Variants in TRIM23 observed in about 807,000 individuals in gnomAD.
TRIM23 encodes the protein tripartite motif containing 23, also known as E3 ubiquitin-protein ligase TRIM23.
TRIM23 carries 27 observed loss-of-function variants against 71.0 expected under a neutral mutation model. That is an observed-to-expected ratio of 0.38 (90% confidence interval 0.28 to 0.52). The LOEUF is 0.52. TRIM23 is among the 20% of genes least tolerant of loss of function. TRIM23 has a pLI of 0.84. For missense variants in TRIM23, 482 were observed against 692.3 expected (o/e 0.70, Z 3.41); for synonymous variants, 234 against 238.0 (o/e 0.98, Z 0.16).
At chr5:65,604,236 A>T (rs1754436673) in intron 7 of TRIM23, among the ~76,000 whole-genome samples, 2 of 152,150 alleles carry the variant, frequency 1.3e-5, no homozygotes. Flanking sequence ...AGCTGGGATT[A>T]TAGGCATGCA....
intron 7 of TRIM23, among the ~76,000 whole-genome samples, chr5:65,598,957 A>AG (rs1754285373): frequency 1.3e-5 from 2 of 152,222 alleles, no homozygotes; most frequent in African/African-American, 4.8e-5. Context: ...TAGGAGTAGC[A>AG]GGAAACTGCC....
chr5:65,607,035 G>C (rs1754527313), intron 6 of TRIM23: 1 of 152,160 alleles, frequency 6.6e-6, no homozygotes, highest in African/African-American at 2.4e-5. Flanking sequence ...TCAGCATCCA[G>C]TATCATGCCA....
intron 7 of TRIM23, among the ~76,000 whole-genome samples, chr5:65,603,767 T>A (rs192004179): frequency 3.7e-4 from 57 of 152,290 alleles, no homozygotes; most frequent in Non-Finnish European, 5.1e-4. Flanking sequence ...GAGAACCCAC[T>A]TTAAAAGAGG....
At chr5:65,592,838 T>C (rs1754083059) in intron 10 of TRIM23, among the ~76,000 whole-genome samples, 2 of 152,222 alleles carry the variant, frequency 1.3e-5, no homozygotes, top group Admixed American at 1.3e-4. Flanking sequence ...ATGGTCTGCA[T>C]TATTTTTAAT....
intron 3 of TRIM23, chr5:65,613,654 A>C (rs181085443): frequency 4.5e-6 from 5 of 1,114,004 alleles, no homozygotes; most frequent in Admixed American, 4.3e-5. Context: ...TTGAAGCTAT[A>C]ACAGTAACAA....
chr5:65,604,174 G>A (rs1429387217), intron 7 of TRIM23, among the ~76,000 whole-genome samples: 1 of 152,122 alleles, frequency 6.6e-6, no homozygotes, highest in Non-Finnish European at 1.5e-5. Flanking sequence ...TCAGCTCACT[G>A]TAACCTCTGC....
chr5:65,622,060 G>A (rs1024339636), intron 1 of TRIM23, among the ~76,000 whole-genome samples: 4 of 151,706 alleles, frequency 2.6e-5, no homozygotes, highest in African/African-American at 9.7e-5. Flanking sequence ...CTCAAACTCT[G>A]GGGCTCAAGC....
At chr5:65,593,214 C>G (rs34692563) in intron 10 of TRIM23, among the ~76,000 whole-genome samples, 7,469 of 152,200 alleles carry the variant, frequency 0.049, 332 homozygotes, top group African/African-American at 0.1. Flanking sequence ...GCGGGCAGAT[C>G]ACTTGAGGTC....
Position 65,611,792 on chromosome 5 carries a change from T to C in TRIM23, c.456A>G (p.Gln152=), listed in dbSNP as rs764696115. The change falls in exon 4 of 11, where the codon CAA becomes CAG. Residue 152 remains glutamine (Q), a synonymous_variant. Transcript: ENST00000231524. ...CTAATGTCTTTGTAGAATGAGTAAC[T>C]TGAGAACACTCAGAGCACAAATGAG... ...CATHLCSECS[Q]VTHSTKTLAK... is the part of the protein sequence containing the mutation. 1.2e-6 allele frequency: 2 copies of C among 1,614,174 alleles called. No homozygotes were observed. Among genetic ancestry groups the C allele is most frequent in the Admixed American group, 1.7e-5 (1 of 60,020 alleles).
intron 7 of TRIM23, among the ~76,000 whole-genome samples, chr5:65,600,049 G>A (rs1322936176): frequency 2.0e-5 from 3 of 152,102 alleles, no homozygotes; most frequent in South Asian, 2.1e-4. Flanking sequence ...CACATGGCAG[G>A]AGCAGGAGCA....
rs776281834 is a variant in TRIM23, at chr5:65,591,487, CAT to C, written c.*280_*281del. 11 of 1,583,868 alleles carry C rather than the reference CAT, an allele frequency of 6.9e-6. No homozygotes were observed. Among genetic ancestry groups the C allele is most frequent in the Non-Finnish European group, 9.4e-6 (11 of 1,166,938 alleles). ...TACCTCTTTCCCAGTATATTGGTCACATATTATCTGAAAAACTTAAATAACAA... is the reference window on the plus strand; with the variant it reads ...TACCTCTTTCCCAGTATATTGGTCACATTATCTGAAAAACTTAAATAACAA... On this transcript the variant is annotated 3_prime_UTR_variant, in exon 11 of 11. Coordinates refer to ENST00000231524, the MANE Select transcript of TRIM23 (RefSeq NM_001656.4).
At chr5:65,612,873 T>C (rs536696070) in intron 3 of TRIM23, among the ~76,000 whole-genome samples, 1 of 152,290 alleles carries the variant, frequency 6.6e-6, no homozygotes, top group African/African-American at 2.4e-5. Context: ...GTAAATATTA[T>C]TTCTAGTTTT....
At chr5:65,601,170 C>T (rs1754354921) in intron 7 of TRIM23, among the ~76,000 whole-genome samples, 1 of 152,186 alleles carries the variant, frequency 6.6e-6, no homozygotes, top group Non-Finnish European at 1.5e-5. Flanking sequence ...AAAGCAGGGT[C>T]TTGAAGAGAT....
intron 10 of TRIM23, among the ~76,000 whole-genome samples, chr5:65,594,240 G>GT (rs1754129921): frequency 6.6e-6 from 1 of 152,038 alleles, no homozygotes; most frequent in Admixed American, 6.6e-5. Flanking sequence ...CCTAATTCCC[G>GT]TAACACTGTG....
rs1561741377 is a variant in TRIM23 at position 65,596,538 on chromosome 5, T to A, written c.1310-7A>T. 2.0e-6 allele frequency: 3 copies of A among 1,536,554 alleles called. No homozygotes were observed. The highest frequency in any genetic ancestry group is 3.7e-5 in the Admixed American group (2 of 54,242). ...ACAGTTTCCACGTTAAAACCTGTTT[T>A]AAAAAAAAAGTTACTTTTATACTAT... On this transcript the variant is annotated splice_region_variant and splice_polypyrimidine_tract_variant and intron_variant, in intron 8 of 10. Coordinates refer to ENST00000231524, the MANE Select transcript of TRIM23 (RefSeq NM_001656.4).
chr5:65,618,306 C>T (rs1324481783), intron 1 of TRIM23, 51 bp from the exon 2 acceptor site: 8 of 1,522,506 alleles, frequency 5.3e-6, no homozygotes, highest in Admixed American at 2.1e-5. Context: ...TAAAAGCATA[C>T]ATATTTTAGG....
intron 6 of TRIM23, among the ~76,000 whole-genome samples, chr5:65,606,475 A>T (rs1037369447): frequency 7.1e-6 from 1 of 141,134 alleles, no homozygotes; most frequent in Non-Finnish European, 1.5e-5. Flanking sequence ...GGCCAAAAAA[A>T]AAAAAAAAAC....
intron 3 of TRIM23, 200 bp downstream of exon 3, chr5:65,613,898 G>A (rs749345106): frequency 5.9e-5 from 88 of 1,485,372 alleles, no homozygotes; most frequent in South Asian, 4.7e-4. Context: ...ATAAAGCATA[G>A]TTTAGGCATA....
intron 7 of TRIM23, among the ~76,000 whole-genome samples, chr5:65,602,783 C>A (rs1754396108): frequency 1.3e-5 from 2 of 152,072 alleles, no homozygotes; most frequent in Admixed American, 1.3e-4. Context: ...AGCAGAAACC[C>A]CTAATAAGCC....
Sources: gnomAD v4.1 joint callset for allele counts (sites outside exome capture counted in the v4.1 genomes callset) on GRCh38, gnomAD v4.1.1 for gene constraint, MANE v1.5 for transcripts, NCBI Gene and HGNC (gene_info 2026-07-23, HGNC 2026-07-21) for gene names.